Variants in EEFSEC observed in about 807,000 individuals in gnomAD.
EEFSEC encodes selenocysteine-specific elongation factor.
A neutral mutation model predicts 42.1 loss-of-function variants in EEFSEC; 43 were observed. The ratio of observed to expected loss-of-function variants is 1.02; its 90% confidence interval spans 0.80 to 1.32. The LOEUF (loss-of-function observed/expected upper bound fraction) is 1.32. EEFSEC is among the 40% of genes most tolerant of loss of function. EEFSEC has a pLI of 0.00. For synonymous variants in EEFSEC, 354 were observed against 339.1 expected (o/e 1.04, Z -0.48); for missense variants, 745 against 803.6 (o/e 0.93, Z 0.88).
At chr3:128,413,249 A>C (rs565895094), downstream of EEFSEC, among the ~76,000 whole-genome samples, 6 of 152,260 alleles carry the variant, frequency 3.9e-5, no homozygotes, top group East Asian at 9.7e-4. Context: ...GAAACTTGAG[A>C]GGAGAGGTAC....
chr3:128,169,345 G>C (rs1036383485), intron 1 of EEFSEC, among the ~76,000 whole-genome samples: 9 of 152,186 alleles, frequency 5.9e-5, no homozygotes, highest in Admixed American at 5.2e-4. Context: ...GTATCAGCTG[G>C]TTTTCACACA....
chr3:128,343,515 T>C (rs531184205), intron 5 of EEFSEC, among the ~76,000 whole-genome samples: 1 of 152,198 alleles, frequency 6.6e-6, no homozygotes, highest in Non-Finnish European at 1.5e-5. Context: ...CCCAAGATGC[T>C]GATTGAAGAT....
At chr3:128,170,403 A>C (rs1181330896) in intron 1 of EEFSEC, among the ~76,000 whole-genome samples, 1 of 152,036 alleles carries the variant, frequency 6.6e-6, no homozygotes, top group Non-Finnish European at 1.5e-5. Context: ...CTCTACTAAA[A>C]CTACAAAAAT....
intron 1 of EEFSEC, among the ~76,000 whole-genome samples, chr3:128,242,726 T>C (rs934519865): frequency 2.0e-5 from 3 of 152,268 alleles, no homozygotes; most frequent in Non-Finnish European, 4.4e-5. Flanking sequence ...TTGTAATTTT[T>C]AAATGTACTG....
intron 6 of EEFSEC, among the ~76,000 whole-genome samples, chr3:128,406,475 T>C (rs1170686589): frequency 6.6e-6 from 1 of 152,166 alleles, no homozygotes; most frequent in Non-Finnish European, 1.5e-5. Flanking sequence ...TTAATAACAA[T>C]GTGTAATATT....
chr3:128,194,096 G>T (rs1169379152), intron 1 of EEFSEC, among the ~76,000 whole-genome samples: 2 of 152,220 alleles, frequency 1.3e-5, no homozygotes, highest in African/African-American at 4.8e-5. Context: ...TATTCCTGGT[G>T]TGGAGGTAAG....
intron 4 of EEFSEC, among the ~76,000 whole-genome samples, chr3:128,331,100 A>G (rs1485712311): frequency 5.1e-3 from 38 of 7,466 alleles, no homozygotes; most frequent in African/African-American, 0.018. Flanking sequence ...CCCTTCCTCA[A>G]TGCATCTCCC....
chr3:128,351,111 G>T (rs1452122847), intron 5 of EEFSEC, among the ~76,000 whole-genome samples: 1 of 152,132 alleles, frequency 6.6e-6, no homozygotes, highest in Non-Finnish European at 1.5e-5. Context: ...TTTGCTGGTG[G>T]GGTGGGTAAG....
At chr3:128,323,598 G>A (rs777629070) in intron 4 of EEFSEC, among the ~76,000 whole-genome samples, 3 of 152,070 alleles carry the variant, frequency 2.0e-5, no homozygotes, top group African/African-American at 4.8e-5. Context: ...TTGACTTCTC[G>A]CCATAGCCCC....
At chr3:128,287,666 C>T (rs960595792) in intron 4 of EEFSEC, among the ~76,000 whole-genome samples, 1 of 152,264 alleles carries the variant, frequency 6.6e-6, no homozygotes, top group South Asian at 2.1e-4. Flanking sequence ...ATCAAAGTGC[C>T]GGTAAGAATA....
At chr3:128,168,007 C>T (rs898320821) in intron 1 of EEFSEC, among the ~76,000 whole-genome samples, 47 of 152,290 alleles carry the variant, frequency 3.1e-4, no homozygotes, top group African/African-American at 1.1e-3. Context: ...TGTCACCAGT[C>T]GTCCCTGCTG....
chr3:128,305,408 C>T (rs887550073), intron 4 of EEFSEC, among the ~76,000 whole-genome samples: 2 of 152,132 alleles, frequency 1.3e-5, no homozygotes, highest in South Asian at 4.1e-4. Flanking sequence ...GGAAGGTTTT[C>T]TCCTTTATTC....
intron 6 of EEFSEC, among the ~76,000 whole-genome samples, chr3:128,386,388 A>G (rs1046284916): frequency 6.6e-6 from 1 of 152,182 alleles, no homozygotes; most frequent in South Asian, 2.1e-4. Context: ...TTTCTCTTGA[A>G]AAGCAGGGTG....
intron 4 of EEFSEC, among the ~76,000 whole-genome samples, chr3:128,339,912 T>C (rs1318012285): frequency 6.6e-6 from 1 of 152,146 alleles, no homozygotes; most frequent in Non-Finnish European, 1.5e-5. Context: ...TTTCCCCTTA[T>C]AAAACAATCA....
At chr3:128,186,326 C>T (rs993292419) in intron 1 of EEFSEC, among the ~76,000 whole-genome samples, 1 of 152,074 alleles carries the variant, frequency 6.6e-6, no homozygotes, top group African/African-American at 2.4e-5. Context: ...CTAGATAGTT[C>T]CTTATCAGAT....
chr3:128,165,553 T>C (rs146148729), intron 1 of EEFSEC, among the ~76,000 whole-genome samples: 1 of 152,304 alleles, frequency 6.6e-6, no homozygotes, highest in Non-Finnish European at 1.5e-5. Context: ...AAAACAACTT[T>C]TGCTGTTGAG....
chr3:128,273,403 A>G (rs1376399404), intron 4 of EEFSEC, among the ~76,000 whole-genome samples: 1 of 151,188 alleles, frequency 6.6e-6, no homozygotes, highest in Admixed American at 6.6e-5. Context: ...TGCTGTTGTC[A>G]GAGATCAATG....
intron 2 of EEFSEC, among the ~76,000 whole-genome samples, chr3:128,260,025 G>A (rs2066281705): frequency 6.6e-6 from 1 of 151,962 alleles, no homozygotes; most frequent in East Asian, 1.9e-4. Context: ...TGTTCTTTTT[G>A]GATATATATC....
At chr3:128,411,290 T>C (rs1473069570), downstream of EEFSEC, among the ~76,000 whole-genome samples, 1 of 152,152 alleles carries the variant, frequency 6.6e-6, no homozygotes, top group Non-Finnish European at 1.5e-5. Context: ...AGGGTTCCAG[T>C]GGGCCAAGCT....
Sources: gnomAD v4.1 joint callset for allele counts (sites outside exome capture counted in the v4.1 genomes callset) on GRCh38, gnomAD v4.1.1 for gene constraint, MANE v1.5 for transcripts, NCBI Gene and HGNC (gene_info 2026-07-23, HGNC 2026-07-21) for gene names.